TBX20: variants seen among roughly 807,000 people sequenced by gnomAD.
TBX20 encodes the protein T-box transcription factor TBX20.
TBX20 carries 8 observed loss-of-function variants against 42.9 expected under a neutral mutation model. The ratio of observed to expected loss-of-function variants is 0.19; its 90% CI spans 0.11 to 0.34. TBX20 has a LOEUF of 0.34. TBX20 is among the 10% of genes least tolerant of loss of function. The pLI is 1.00. For missense variants in TBX20, 411 were observed against 566.0 expected (o/e 0.73, Z 2.78); for synonymous variants, 198 against 222.8 (o/e 0.89, Z 0.99).
intron 6 of TBX20, among the ~76,000 whole-genome samples, chr7:35,216,482 T>G (rs1200534347): frequency 5.9e-5 from 9 of 152,304 alleles, no homozygotes; most frequent in Admixed American, 5.9e-4. Flanking sequence ...CTCTTAGAGT[T>G]ATTAAGATTA....
At chr7:35,250,679 C>T (rs1389747467) in intron 1 of TBX20, among the ~76,000 whole-genome samples, 2 of 152,172 alleles carry the variant, frequency 1.3e-5, no homozygotes, top group Non-Finnish European at 2.9e-5. Flanking sequence ...AGGAACTTTC[C>T]TTCCTTCCTG....
At chr7:35,225,743 C>T (rs985665631) in intron 6 of TBX20, among the ~76,000 whole-genome samples, 3 of 152,220 alleles carry the variant, frequency 2.0e-5, no homozygotes, top group East Asian at 1.9e-4. Context: ...AAATTCAACA[C>T]GAGCCTAAGC....
At chr7:35,219,646 T>G (rs1789647304) in intron 6 of TBX20, among the ~76,000 whole-genome samples, 1 of 152,258 alleles carries the variant, frequency 6.6e-6, no homozygotes. Context: ...AGAGCTGTGT[T>G]AGAACCAAAC....
At chr7:35,205,277 C>T (rs909184710) in intron 6 of TBX20, among the ~76,000 whole-genome samples, 1 of 151,684 alleles carries the variant, frequency 6.6e-6, no homozygotes, top group Non-Finnish European at 1.5e-5. Flanking sequence ...GTAACATAGT[C>T]TATCAACCAA....
chr7:35,251,149 T>C (rs767624426), intron 1 of TBX20, among the ~76,000 whole-genome samples: 4 of 152,348 alleles, frequency 2.6e-5, no homozygotes, highest in African/African-American at 4.8e-5. Context: ...TTTGATGGAA[T>C]ACAGGGAGAC....
chr7:35,237,803 C>T (rs549909620), intron 5 of TBX20, among the ~76,000 whole-genome samples: 8 of 152,132 alleles, frequency 5.3e-5, no homozygotes, highest in Non-Finnish European at 1.5e-5. Context: ...TTCTGACCTC[C>T]TGTTAAGGAT....
At position 35,219,149 on chromosome 7, in the gene TBX20, T is replaced by G. The variant is rs1273733780; in HGVS notation, c.890+12355A>C. ...GAGGTGATGCAGCTGTCCTCCTCTA[T>G]CTCAGAAGCCTAGTCTGCTCTGTGA... On this transcript the variant is annotated intron_variant, in intron 6 of 7. Coordinates refer to ENST00000408931, the MANE Select transcript of TBX20 (RefSeq NM_001077653.2). Among the ~76,000 whole-genome samples the G allele has an allele frequency of 2.6e-5, 4 of 152,168 alleles. No homozygotes were observed. The South Asian group carries it at 6.2e-4, about 24-fold the overall frequency.
intron 5 of TBX20, among the ~76,000 whole-genome samples, chr7:35,237,700 C>T (rs1444052331): frequency 6.6e-6 from 1 of 151,616 alleles, no homozygotes; most frequent in Non-Finnish European, 1.5e-5. Context: ...GAAATTTGTT[C>T]TAAATAAAAA....
intron 6 of TBX20, among the ~76,000 whole-genome samples, chr7:35,222,885 G>T (rs1196074359): frequency 6.6e-6 from 1 of 152,146 alleles, no homozygotes; most frequent in Non-Finnish European, 1.5e-5. Flanking sequence ...CTGAGTATGA[G>T]CAATGTGATC....
chr7:35,241,475 T>C (rs28542831), intron 4 of TBX20, among the ~76,000 whole-genome samples: 55,438 of 152,022 alleles, frequency 0.36, 10,457 homozygotes, highest in Admixed American at 0.46. Flanking sequence ...AGAAAAGCAG[T>C]GGGGTGTTAG....
intron 4 of TBX20, among the ~76,000 whole-genome samples, chr7:35,243,825 G>T (rs1790128532): frequency 1.3e-5 from 2 of 152,204 alleles, no homozygotes; most frequent in African/African-American, 2.4e-5. Context: ...CACCAGTAGA[G>T]TCGTGAGTTA....
At chr7:35,208,089 T>C (rs1467569465) in intron 6 of TBX20, among the ~76,000 whole-genome samples, 5 of 152,218 alleles carry the variant, frequency 3.3e-5, no homozygotes, top group Non-Finnish European at 5.9e-5. Context: ...TCTGTTTCAT[T>C]AGGTCTTCTT....
At chr7:35,230,044 A>G (rs1375437652) in intron 6 of TBX20, among the ~76,000 whole-genome samples, 2 of 152,092 alleles carry the variant, frequency 1.3e-5, no homozygotes, top group African/African-American at 4.8e-5. Context: ...AGAAAATACG[A>G]CACACACTAT....
At position 35,240,951 on chromosome 7, in the gene TBX20, C is replaced by T. The variant is rs762881014; in HGVS notation, c.741G>A (p.Lys247=). 6.2e-7 allele frequency: 1 copy of T among 1,613,852 alleles called. No individual in the cohort carries two copies. The highest frequency in any genetic ancestry group is 1.7e-5 in the Admixed American group (1 of 60,014). ...AGATGAAAGTTCTAAATTCTTCAGACTTCAGGTTGAGCAATGAGGCTGTGT... is the reference window on the plus strand; with the variant it reads ...AGATGAAAGTTCTAAATTCTTCAGATTTCAGGTTGAGCAATGAGGCTGTGT... ...KDHTASLLNL[K]SEEFRTFIFP... is the part of the protein sequence containing the mutation. The change falls in exon 5 of 8, where the codon AAG becomes AAA. Residue 247 remains lysine (K), a synonymous_variant. Coordinates refer to ENST00000408931, the MANE Select transcript of TBX20 (RefSeq NM_001077653.2).
intron 1 of TBX20, among the ~76,000 whole-genome samples, chr7:35,252,555 T>C (rs892870715): frequency 0.023 from 13 of 560 alleles, no homozygotes; most frequent in African/African-American, 0.067. Flanking sequence ...ATATGTTAAG[T>C]GTGGGAAGGA....
intron 6 of TBX20, among the ~76,000 whole-genome samples, chr7:35,228,597 C>T (rs1254181447): frequency 1.3e-5 from 2 of 151,836 alleles, no homozygotes; most frequent in Non-Finnish European, 2.9e-5. Context: ...ATAACTCCTC[C>T]CAGTTATTTT....
intron 5 of TBX20, among the ~76,000 whole-genome samples, chr7:35,236,920 T>C (rs2128714126): frequency 1.4e-5 from 1 of 73,260 alleles, no homozygotes; most frequent in South Asian, 6.3e-4. Context: ...CCATTTATGA[T>C]ATTAATTAGA....
chr7:35,215,002 G>C (rs551027682), intron 6 of TBX20, among the ~76,000 whole-genome samples: 6 of 152,096 alleles, frequency 3.9e-5, no homozygotes, highest in Non-Finnish European at 7.4e-5. Flanking sequence ...TTTAAAAAAA[G>C]AGTGTAATAG....
intron 5 of TBX20, among the ~76,000 whole-genome samples, chr7:35,235,570 T>G (rs1274995273): frequency 6.6e-6 from 1 of 152,252 alleles, no homozygotes; most frequent in African/African-American, 2.4e-5. Flanking sequence ...GAGAAAACAC[T>G]AACAAGCAAG....
Sources: gnomAD v4.1 joint callset for allele counts (sites outside exome capture counted in the v4.1 genomes callset) on GRCh38, gnomAD v4.1.1 for gene constraint, MANE v1.5 for transcripts, NCBI Gene and HGNC (gene_info 2026-07-23, HGNC 2026-07-21) for gene names.